The following ERC2 variants were observed in gnomAD, a reference collection of about 807,000 sequenced individuals.
The protein encoded by ERC2 is ELKS/RAB6-interacting/CAST family member 2.
ERC2 carries 42 observed loss-of-function variants against 114.8 expected under a neutral mutation model. The observed-to-expected ratio is 0.37, with a 90% CI of 0.29 to 0.47. The LOEUF (loss-of-function observed/expected upper bound fraction) is 0.47, where lower values mean the gene tolerates loss of function less well. ERC2 is among the 20% of genes least tolerant of loss of function. The pLI is 0.99. For synonymous variants in ERC2, 454 were observed against 425.5 expected, an observed-to-expected ratio of 1.07 and a Z score of -0.82; for missense variants, 939 against 1,150.7, an observed-to-expected ratio of 0.82 and a Z score of 2.66.
At chr3:56,369,993 T>C (rs146399818) in intron 2 of ERC2, among the ~76,000 whole-genome samples, 34 of 152,296 alleles carry the variant, frequency 2.2e-4, no homozygotes, top group African/African-American at 7.9e-4. Context: ...ACTTCTTTTA[T>C]GGCCAAGAAG....
rs184443468 is a variant in ERC2 at position 56,066,710 on chromosome 3, C to T, written c.1641+14107G>A. ...GGGTTTTACATTTAAGTCTTTAATC[C>T]ACCTTAAGTTAATTTTTGTTAAAGT... On this transcript the variant is annotated intron_variant, in intron 7 of 17. Coordinates refer to ENST00000288221, the MANE Select transcript of ERC2 (RefSeq NM_015576.3). 2.0e-4 allele frequency among the ~76,000 whole-genome samples: 30 copies of T among 152,210 alleles called. 1 individual carries two copies. The East Asian group carries it at 5.0e-3, about 25-fold the overall frequency.
chr3:56,162,138 T>C (rs1463016645), intron 4 of ERC2, among the ~76,000 whole-genome samples: 3 of 152,198 alleles, frequency 2.0e-5, no homozygotes, highest in Non-Finnish European at 4.4e-5. Context: ...TCTATTGAGA[T>C]TATCATATGG....
At chr3:56,140,062 C>A (rs188825836) in intron 5 of ERC2, among the ~76,000 whole-genome samples, 9 of 152,292 alleles carry the variant, frequency 5.9e-5, no homozygotes. Context: ...CAAGGCATAA[C>A]TCCACAGTGC....
chr3:56,179,669 G>C (rs1200699200), intron 3 of ERC2, among the ~76,000 whole-genome samples: 3 of 151,768 alleles, frequency 2.0e-5, no homozygotes, highest in African/African-American at 4.8e-5. Flanking sequence ...AGAAGCAAAA[G>C]ATGGCTCCAA....
chr3:55,816,777 A>AC lies in ERC2; in HGVS notation c.2564+71611_2564+71612insG, dbSNP rs376422406. ...GGGGAAAACAAAAACAAAAACAAAAAAAAACGAAAAACACCCCAAGCAGGC... is the reference window on the plus strand; with the variant it reads ...GGGGAAAACAAAAACAAAAACAAAAACAAAACGAAAAACACCCCAAGCAGGC... On this transcript the variant is annotated intron_variant, in intron 14 of 17. Coordinates refer to ENST00000288221, the MANE Select transcript of ERC2 (RefSeq NM_015576.3). 9.7e-4 allele frequency among the ~76,000 whole-genome samples: 148 copies of AC among 152,230 alleles called. 1 individual carries two copies. The highest frequency in any genetic ancestry group is 2.9e-3 in the African/African-American group (120 of 41,530).
intron 12 of ERC2, among the ~76,000 whole-genome samples, chr3:55,959,641 G>A (rs1262989110): frequency 6.6e-6 from 1 of 152,276 alleles, no homozygotes; most frequent in East Asian, 1.9e-4. Context: ...ATTAACTAAC[G>A]AGCCTGGCTC....
At chr3:55,916,912 C>T (rs537213498) in intron 13 of ERC2, among the ~76,000 whole-genome samples, 1 of 152,216 alleles carries the variant, frequency 6.6e-6, no homozygotes, top group South Asian at 2.1e-4. Context: ...TAAATATATG[C>T]TAAATAAATG....
chr3:56,180,998 C>T (rs1033160180), intron 3 of ERC2, among the ~76,000 whole-genome samples: 26 of 152,210 alleles, frequency 1.7e-4, no homozygotes, highest in African/African-American at 4.1e-4. Flanking sequence ...CAATACAGTA[C>T]GCTATTTTTT....
At chr3:56,161,126 TGAAAAA>T (rs2082027191) in intron 4 of ERC2, among the ~76,000 whole-genome samples, 2 of 152,268 alleles carry the variant, frequency 1.3e-5, no homozygotes, top group South Asian at 4.1e-4. Context: ...ATCTGGTTGT[TGAAAAA>T]GAGTCGGGGC....
chr3:55,795,533 G>A (rs1043715955), intron 14 of ERC2, among the ~76,000 whole-genome samples: 11 of 152,304 alleles, frequency 7.2e-5, no homozygotes, highest in African/African-American at 2.4e-4. Context: ...CGTTTAACTT[G>A]AGTCAGCTCA....
At chr3:55,705,474 C>T (rs2063433977) in intron 15 of ERC2, among the ~76,000 whole-genome samples, 1 of 152,154 alleles carries the variant, frequency 6.6e-6, no homozygotes, top group African/African-American at 2.4e-5. Context: ...GATGAAAATT[C>T]ACCACCTTAT....
At chr3:56,306,788 G>A (rs2056254628) in intron 2 of ERC2, among the ~76,000 whole-genome samples, 1 of 152,184 alleles carries the variant, frequency 6.6e-6, no homozygotes, top group South Asian at 2.1e-4. Context: ...CAGGCTGCCT[G>A]GTTCCAATCC....
chr3:56,226,830 T>C (rs763643561), intron 3 of ERC2, among the ~76,000 whole-genome samples: 1 of 152,116 alleles, frequency 6.6e-6, no homozygotes, highest in Non-Finnish European at 1.5e-5. Flanking sequence ...TCATCCAAAC[T>C]CCCTGGGCCT....
Position 55,808,768 on chromosome 3 carries a change from A to ATC in ERC2, c.2565-73851_2565-73850insGA, listed in dbSNP as rs1455842567. ...AACGTATAACTAAACATATATATATATATATATAATTGTGAGAGAATATGA... is the reference window on the plus strand; with the variant it reads ...AACGTATAACTAAACATATATATATATCTATATATAATTGTGAGAGAATATGA... On this transcript the variant is annotated intron_variant, in intron 14 of 17. Transcript: ENST00000288221. Among the ~76,000 whole-genome samples the ATC allele has an allele frequency of 4.2e-5, 6 of 142,676 alleles. No homozygotes were observed. In the East Asian group the frequency reaches 1.0e-3, roughly 24 times the overall value. The allele number at this position is 142,676 out of a possible 152,430, so 93.6% of individuals were successfully genotyped here.
At chr3:55,821,405 G>A (rs535834959) in intron 14 of ERC2, among the ~76,000 whole-genome samples, 3 of 152,320 alleles carry the variant, frequency 2.0e-5, no homozygotes, top group South Asian at 2.1e-4. Context: ...ATCGCTAGAT[G>A]TGAAGGGGCT....
intron 6 of ERC2, among the ~76,000 whole-genome samples, chr3:56,085,149 G>A (rs944791633): frequency 6.6e-6 from 1 of 152,196 alleles, no homozygotes; most frequent in African/African-American, 2.4e-5. Context: ...AGGGAAGGAT[G>A]ATGATATTAG....
chr3:55,686,540 T>C (rs960568799), intron 16 of ERC2, among the ~76,000 whole-genome samples: 2 of 152,186 alleles, frequency 1.3e-5, no homozygotes, highest in Non-Finnish European at 2.9e-5. Flanking sequence ...CATATGCAGC[T>C]GTTTCACTGC....
Position 56,434,606 on chromosome 3 carries a change from CTGG to C in ERC2, c.399_401del (p.His133del), listed in dbSNP as rs2061936460. On this transcript the variant is annotated inframe_deletion, in exon 2 of 18. Coordinates refer to ENST00000288221, the MANE Select transcript of ERC2 (RefSeq NM_015576.3). Reference sequence around the variant, plus strand: ...TTACCTGCCTCAACATGGAGGGGACCTGGTGGTGGTGATGATGGGATGAGCCAG... The same window carrying C: ...TTACCTGCCTCAACATGGAGGGGACCTGGTGGTGATGATGGGATGAGCCAG... 2 of 1,613,758 alleles carry C rather than the reference CTGG, an allele frequency of 1.2e-6. No individual in the cohort carries two copies. The highest frequency in any genetic ancestry group is 2.7e-5 in the African/African-American group (2 of 74,864).
At chr3:55,713,849 A>ATATACATATAAGT (rs1262344168) in intron 15 of ERC2, among the ~76,000 whole-genome samples, 3 of 152,172 alleles carry the variant, frequency 2.0e-5, no homozygotes, top group Non-Finnish European at 4.4e-5. Context: ...AAAGCTATTC[A>ATATACATATAAGT]TATACATATA....
Sources: allele counts gnomAD v4.1 joint callset (sites outside exome capture counted in the v4.1 genomes callset), GRCh38; gene constraint gnomAD v4.1.1; transcripts MANE v1.5; gene names NCBI Gene and HGNC (gene_info 2026-07-23, HGNC 2026-07-21).